CHCHD4: variants seen among roughly 807,000 people sequenced by gnomAD.
CHCHD4 encodes mitochondrial intermembrane space import and assembly protein 40.
CHCHD4 carries 7 observed loss-of-function variants against 12.4 expected under a neutral mutation model. The ratio of observed to expected loss-of-function variants is 0.57; its 90% confidence interval spans 0.32 to 1.06. The LOEUF (loss-of-function observed/expected upper bound fraction) is 1.06, where lower values mean the gene tolerates loss of function less well. Among genes scored for constraint, CHCHD4 ranks in the 50% least tolerant of loss-of-function variants. The pLI is 0.04. For synonymous variants in CHCHD4, 56 were observed against 58.0 expected (o/e 0.97, Z 0.16); for missense variants, 143 against 175.1 (o/e 0.82, Z 1.03).
intron 1 of CHCHD4, 112 bp from the exon 2 acceptor site, chr3:14,116,636 C>T (rs1016221912): frequency 2.6e-6 from 2 of 779,166 alleles, no homozygotes; most frequent in Admixed American, 1.8e-5. Context: ...CATATGCCAT[C>T]CCTATGTGAG....
chr3:14,120,748 A>G (rs1365108540), intron 1 of CHCHD4, among the ~76,000 whole-genome samples: 1 of 152,192 alleles, frequency 6.6e-6, no homozygotes, highest in South Asian at 2.1e-4. Context: ...ATATTTGTTG[A>G]AAAAAATGAA....
chr3:14,116,089 T>C (rs1297061186), intron 2 of CHCHD4, among the ~76,000 whole-genome samples: 3 of 152,232 alleles, frequency 2.0e-5, no homozygotes, highest in African/African-American at 2.4e-5. Flanking sequence ...GACTGTCTAC[T>C]TGCTAATAAA....
rs1350106187 is a variant in CHCHD4, at chr3:14,124,726, G to A, written c.-50C>T. 5.3e-6 allele frequency: 8 copies of A among 1,503,418 alleles called. No homozygotes were observed. Among genetic ancestry groups the A allele is most frequent in the Non-Finnish European group, 6.2e-6 (7 of 1,126,780 alleles). 93.1% of individuals were successfully genotyped at this position (1,503,418 alleles called of 1,614,324 possible). On this transcript the variant is annotated 5_prime_UTR_variant, in exon 1 of 3. Transcript: ENST00000396914. ...TGCAGAAGCGGCGGTGGCGGCAGCT[G>A]CACCTTTACGCCGTGACCTCCCTCT... is the stretch of plus-strand genomic sequence containing the variant.
intron 1 of CHCHD4, among the ~76,000 whole-genome samples, chr3:14,118,180 A>C (rs1215077850): frequency 1.3e-5 from 2 of 152,208 alleles, no homozygotes; most frequent in South Asian, 2.1e-4. Context: ...CCAAGCATTT[A>C]AGAAGACTTC....
chr3:14,121,295 G>A (rs1694931287), intron 1 of CHCHD4, among the ~76,000 whole-genome samples: 1 of 152,198 alleles, frequency 6.6e-6, no homozygotes, highest in African/African-American at 2.4e-5. Context: ...CATGAGGCTA[G>A]AAAGGGAGCT....
At position 14,116,509 on chromosome 3, in the gene CHCHD4, A is replaced by G. The variant is rs573229653; in HGVS notation, c.38T>C (p.Ile13Thr). 1 of 1,611,482 alleles carries G rather than the reference A, an allele frequency of 6.2e-7. No homozygotes were observed. Among genetic ancestry groups the G allele is most frequent in the Admixed American group, 1.7e-5 (1 of 60,024 alleles). Residue 13 changes from isoleucine (I) to threonine (T), a missense_variant, in exon 2 of 3, where the codon ATA (isoleucine) becomes ACA (threonine). Physicochemically the swap from Ile to Thr is moderately conservative, Grantham distance 89. Transcript: ENST00000396914. ...YCRQEGKDRI[I>T]FVTKEDHETP... ...TTCATGATCTTCTTTGGTTACAAAT[A>G]TGATTCGATCCTTCCCTAGTGTTTG... is the stretch of plus-strand genomic sequence containing the variant.
chr3:14,119,681 T>C (rs1694912382), intron 1 of CHCHD4, among the ~76,000 whole-genome samples: 1 of 152,220 alleles, frequency 6.6e-6, no homozygotes, highest in African/African-American at 2.4e-5. Context: ...TGAATATGCA[T>C]GTTCTGAAGG....
rs1694835637 is a variant in CHCHD4 at position 14,112,878 on chromosome 3, T to C, written c.*9A>G. On this transcript the variant is annotated 3_prime_UTR_variant, in exon 3 of 3. Coordinates refer to ENST00000396914, the MANE Select transcript of CHCHD4 (RefSeq NM_001098502.2). The stretch of plus-strand genomic sequence containing the variant: ...AAAAGGACTGGTGCCCAGTGCCTTG[T>C]GGCCTTCATTAACTTGATCCCTCCT... The C allele has an allele frequency of 6.2e-7, 1 of 1,605,334 alleles. No homozygotes were observed. Among genetic ancestry groups the C allele is most frequent in the Admixed American group, 1.7e-5 (1 of 59,140 alleles).
Position 14,112,925 on chromosome 3 carries a change from C to A in CHCHD4, c.391G>T (p.Glu131Ter). The A allele has an allele frequency of 6.2e-7, 1 of 1,613,070 alleles. No individual in the cohort carries two copies. Among genetic ancestry groups the A allele is most frequent in the Non-Finnish European group, 8.5e-7 (1 of 1,179,596 alleles). The change falls in exon 3 of 3, where the codon GAG becomes TAG. Residue 131 changes from glutamate to a stop codon, truncating the protein, a stop_gained. Transcript: ENST00000396914. LOFTEE classifies it high-confidence loss of function. ...TCCTCTTCTTTGGTTGCAGTGGCCTCAATGGGAGCTGTTTCTTCTGCTTGT... is the reference window on the plus strand; with the variant it reads ...TCCTCTTCTTTGGTTGCAGTGGCCTAAATGGGAGCTGTTTCTTCTGCTTGT... ...AEQAEETAPI[E>*]ATATKEEEGS...
chr3:14,122,373 A>G (rs982544562), intron 1 of CHCHD4, among the ~76,000 whole-genome samples: 3 of 152,224 alleles, frequency 2.0e-5, no homozygotes, highest in African/African-American at 4.8e-5. Flanking sequence ...TATATGCCCA[A>G]TGGCTGGCAC....
chr3:14,116,642 G>A, intron 1 of CHCHD4, 118 bp from the exon 2 acceptor site: 1 of 751,946 alleles, frequency 1.3e-6, no homozygotes. Context: ...CCATCCCTAT[G>A]TGAGGTGACT....
intron 1 of CHCHD4, among the ~76,000 whole-genome samples, chr3:14,121,457 AG>A (rs1479546767): frequency 1.3e-5 from 2 of 152,162 alleles, no homozygotes; most frequent in Non-Finnish European, 2.9e-5. Context: ...CCCCCATGAA[AG>A]GGGAGGATCT....
rs2124981076 is a variant in CHCHD4, at chr3:14,124,774, C to T, written c.-98G>A. The T allele has an allele frequency of 7.3e-7, 1 of 1,360,722 alleles. No individual in the cohort carries two copies. The allele number at this position is 1,360,722 out of a possible 1,614,324, so 84.3% of individuals were successfully genotyped here. ...TCTCCTCTGGCAGGGCGGGCTCCTCCGAAGCCCGCGCGGACCCGCCCCCTC... is the reference window on the plus strand; with the variant it reads ...TCTCCTCTGGCAGGGCGGGCTCCTCTGAAGCCCGCGCGGACCCGCCCCCTC... On this transcript the variant is annotated 5_prime_UTR_variant, in exon 1 of 3. Coordinates refer to ENST00000396914, the MANE Select transcript of CHCHD4 (RefSeq NM_001098502.2).
chr3:14,124,056 A>AT (rs1694972375), intron 1 of CHCHD4, among the ~76,000 whole-genome samples: 1 of 152,042 alleles, frequency 6.6e-6, no homozygotes, highest in Non-Finnish European at 1.5e-5. Flanking sequence ...GTCTAACTTT[A>AT]CTCTTCAGTA....
At chr3:14,114,960 G>A (rs748487050) in intron 2 of CHCHD4, among the ~76,000 whole-genome samples, 4 of 152,104 alleles carry the variant, frequency 2.6e-5, no homozygotes, top group Non-Finnish European at 5.9e-5. Flanking sequence ...GATCTTTAAG[G>A]CCCTCTTGAT....
At chr3:14,123,016 T>C (rs988352203) in intron 1 of CHCHD4, among the ~76,000 whole-genome samples, 4 of 144,440 alleles carry the variant, frequency 2.8e-5, no homozygotes, top group Admixed American at 1.4e-4. Flanking sequence ...TTAAAAATCC[T>C]ATGGGAAGCA....
chr3:14,124,429 C>A (rs2733577), intron 1 of CHCHD4, among the ~76,000 whole-genome samples: 35,558 of 152,074 alleles, frequency 0.23, 6,029 homozygotes, highest in African/African-American at 0.48. Context: ...AGGGTTCGGG[C>A]TTCACTGTGA....
chr3:14,121,958 G>A lies in CHCHD4; in HGVS notation c.22+2697C>T, dbSNP rs746935887. On this transcript the variant is annotated intron_variant, in intron 1 of 2. Transcript: ENST00000396914. The stretch of plus-strand genomic sequence containing the variant: ...TCTGTGGTAGTACCTGGTGGTCACA[G>A]ATGAATACGACACAGGCATCCAGTG... 1.9e-6 allele frequency: 3 copies of A among 1,614,088 alleles called. No homozygotes were observed. The East Asian group carries it at 6.7e-5, about 36-fold the overall frequency.
chr3:14,120,306 C>T (rs1384633886), intron 1 of CHCHD4, among the ~76,000 whole-genome samples: 4 of 152,132 alleles, frequency 2.6e-5, no homozygotes, highest in South Asian at 2.1e-4. Context: ...TGGAATGGCT[C>T]GATCTTCAAA....
Sources: allele counts gnomAD v4.1 joint callset (sites outside exome capture counted in the v4.1 genomes callset), GRCh38; gene constraint gnomAD v4.1.1; transcripts MANE v1.5; gene names NCBI Gene and HGNC (gene_info 2026-07-23, HGNC 2026-07-21).